Variants in TTN observed in about 807,000 individuals in gnomAD.
The protein encoded by TTN is connectin.
Under a neutral mutation model 3,223.0 loss-of-function variants are expected in TTN, and 1,525 were observed. That is an observed-to-expected ratio of 0.47 (90% confidence interval 0.45 to 0.49). The LOEUF is 0.49. TTN is among the 20% of genes least tolerant of loss of function. The probability of loss-of-function intolerance (pLI) is 0.00; values close to 1 mark genes in which losing one functional copy is unlikely to be tolerated. For missense variants in TTN, 40,786 were observed against 43,424.0 expected, an observed-to-expected ratio of 0.94 and a Z score of 5.40; for synonymous variants, 14,094 against 15,161.0, an observed-to-expected ratio of 0.93 and a Z score of 5.17.
In TTN at chr2:178,647,541, C is replaced by T; in HGVS notation, c.40058-77G>A. On this transcript the variant is annotated intron_variant, in intron 213 of 362. Transcript: ENST00000589042. ...TTGTCTAAAGAGCAGGCAAAGAATG[C>T]AGGGGCAAGAGCTTCATCTTAGATT... is the stretch of plus-strand genomic sequence containing the variant. The T allele has an allele frequency of 5.1e-6, 7 of 1,376,264 alleles. No individual in the cohort carries two copies. In the South Asian group the frequency reaches 7.6e-5, roughly 15 times the overall value. The allele number at this position is 1,376,264 out of a possible 1,614,324, so 85.3% of individuals were successfully genotyped here. A position where few individuals can be genotyped will look rare whatever the true frequency, so the allele number is the denominator to read the frequency against.
At position 178,575,649 on chromosome 2, in the gene TTN, T is replaced by C; in HGVS notation, c.70483A>G (p.Lys23495Glu). The C allele has an allele frequency of 1.2e-6, 2 of 1,613,638 alleles. No homozygotes were observed. Among genetic ancestry groups the C allele is most frequent in the South Asian group, 2.2e-5 (2 of 91,066 alleles). The change falls in exon 326 of 363, where the codon AAA becomes GAA. Residue 23495 changes from lysine to glutamate, a missense_variant. Physicochemically the swap from Lys to Glu is moderately conservative, Grantham distance 56. Transcript: ENST00000589042. The surrounding 1 kb of genome is among the most constrained non-coding windows in gnomAD (Gnocchi z 4.0). ...CACCCTTCAGACAAGCCGGTAACTT[T>C]ATATGTGCATTTATGGCACTTAGTG... ...ATTKCHKCTY[K>E]VTGLSEGCEY...
In TTN at chr2:178,585,227, T is replaced by TC; in HGVS notation, c.64516dup (p.Glu21506GlyfsTer12). ...TGCCAGGTGGCTGGATGTGACAACT[T>TC]CATCTTCTCCTTTTTTCCATTTACA... is the stretch of plus-strand genomic sequence containing the variant. On this transcript the variant is annotated frameshift_variant, in exon 309 of 363. Coordinates refer to ENST00000589042, the MANE Select transcript of TTN (RefSeq NM_001267550.2). LOFTEE classifies it high-confidence loss of function. The TC allele has an allele frequency of 6.2e-7, 1 of 1,613,326 alleles. No individual in the cohort carries two copies. The highest frequency in any genetic ancestry group is 8.5e-7 in the Non-Finnish European group (1 of 1,179,440).
At position 178,587,788 on chromosome 2, in the gene TTN, A is replaced by G. The variant is rs1319446307; in HGVS notation, c.63521T>C (p.Ile21174Thr). Residue 21174 changes from isoleucine to threonine, a missense_variant, in exon 306 of 363, where the codon ATT becomes ACT. Coordinates refer to ENST00000589042, the MANE Select transcript of TTN (RefSeq NM_001267550.2). Reference sequence around the variant, plus strand: ...TTTCCTCATGCTGGCATCCAAATCAATCTCCGGAGGTTCTGCAAATGACAT... The same window carrying G: ...TTTCCTCATGCTGGCATCCAAATCAGTCTCCGGAGGTTCTGCAAATGACAT... ...KPKEILEPPE[I>T]DLDASMRKLV... The G allele has an allele frequency of 6.9e-6, 11 of 1,600,134 alleles. No homozygotes were observed. Among genetic ancestry groups the G allele is most frequent in the Non-Finnish European group, 9.4e-6 (11 of 1,172,174 alleles).
Position 178,679,937 on chromosome 2 carries a change from C to T in TTN, c.33537G>A (p.Glu11179=). Reference sequence around the variant, plus strand: ...GCACCACTTCTTCCTCAGTTATGAACTCCTCTTCTTCATGAATGTACTCTT... The same window carrying T: ...GCACCACTTCTTCCTCAGTTATGAATTCCTCTTCTTCATGAATGTACTCTT... ...EEEEYIHEEE[E]FITEEEVVPV... Residue 11179 remains glutamate, a synonymous_variant, in exon 140 of 363, where the codon GAG becomes GAA. Coordinates refer to ENST00000589042, the MANE Select transcript of TTN (RefSeq NM_001267550.2). 6.2e-7 allele frequency: 1 copy of T among 1,613,120 alleles called. No individual in the cohort carries two copies. Among genetic ancestry groups the T allele is most frequent in the Non-Finnish European group, 8.5e-7 (1 of 1,179,364 alleles).
intron 127 of TTN, 122 bp from the exon 128 acceptor site, chr2:178,685,720 G>C: frequency 1.2e-6 from 1 of 852,198 alleles, no homozygotes; most frequent in South Asian, 1.9e-5. Context: ...CCAAACCCCT[G>C]CTTGTTCCTA....
intron 243 of TTN, 83 bp downstream of exon 243, chr2:178,622,587 C>CTT (rs200732906): frequency 9.1e-5 from 98 of 1,074,356 alleles, no homozygotes; most frequent in East Asian, 2.3e-4. Context: ...TTGTGACTAA[C>CTT]TTTTTTTTTT....
chr2:178,649,403 G>A (rs1481580434), intron 212 of TTN, 72 bp from the exon 213 acceptor site: 4 of 1,328,136 alleles, frequency 3.0e-6, no homozygotes, highest in Middle Eastern at 2.3e-4. Context: ...TAAAAAACCT[G>A]TATTTATTGG....
rs794727988 is a variant in TTN at position 178,711,160 on chromosome 2, T to C, written c.28076A>G (p.Asn9359Ser). Residue 9359 changes from asparagine to serine, a missense_variant, in exon 97 of 363, where the codon AAT becomes AGT. By Grantham distance (46) the Asn-to-Ser change is conservative. Transcript: ENST00000589042. Reference sequence around the variant, plus strand: ...AAGGCTCCGGTCAGTTTTAAAAATATTGAGTGTGGCTGTATTGTCTAAAAA... The same window carrying C: ...AAGGCTCCGGTCAGTTTTAAAAATACTGAGTGTGGCTGTATTGTCTAAAAA... ...TSFLDNTATL[N>S]IFKTDRSLAG... The C allele has an allele frequency of 1.2e-6, 2 of 1,613,750 alleles. No individual in the cohort carries two copies. Among genetic ancestry groups the C allele is most frequent in the African/African-American group, 1.3e-5 (1 of 74,908 alleles).
Position 178,715,706 on chromosome 2 carries a change from C to T in TTN, c.25708G>A (p.Glu8570Lys), listed in dbSNP as rs552462622. The change falls in exon 89 of 363, where the codon GAA (glutamate) becomes AAA (lysine). Residue 8570 changes from glutamate to lysine, a missense_variant. Transcript: ENST00000589042. ...IVKQDEFTRY[E>K]CKIGGSPEIK... is the part of the protein sequence containing the mutation. ...TCTGGAGACCCACCGATTTTGCATT[C>T]ATACCTTGTGAATTCATCCTGTTTC... 233 of 1,607,060 alleles carry T rather than the reference C, an allele frequency of 1.4e-4. No homozygotes were observed. Among genetic ancestry groups the T allele is most frequent in the Non-Finnish European group, 1.9e-4 (224 of 1,176,162 alleles).
At chr2:178,647,752 C>T (rs2062246448) in intron 213 of TTN, among the ~76,000 whole-genome samples, 1 of 152,052 alleles carries the variant, frequency 6.6e-6, no homozygotes, top group Non-Finnish European at 1.5e-5. Context: ...ACACTCAATT[C>T]TTATTTACAT....
chr2:178,682,647 T>G, intron 135 of TTN, 50 bp downstream of exon 135: 4 of 1,460,838 alleles, frequency 2.7e-6, no homozygotes, highest in Non-Finnish European at 3.7e-6. Flanking sequence ...TTATCTTGTT[T>G]GAGTGTGCAC....
intron 47 of TTN, chr2:178,746,119 G>T (rs778839761): frequency 1.9e-6 from 3 of 1,613,326 alleles, no homozygotes; most frequent in Middle Eastern, 1.7e-4. Context: ...CGCTAATCAC[G>T]TATTTAATAT....
intron 96 of TTN, 67 bp downstream of exon 96, chr2:178,711,877 C>T: frequency 6.6e-7 from 1 of 1,509,126 alleles, no homozygotes; most frequent in East Asian, 2.3e-5. Context: ...AAATAGGCCT[C>T]CCCAGACATT....
rs1576118852 is a variant in TTN at position 178,592,174 on chromosome 2, G to A, written c.59730C>T (p.Thr19910=). Residue 19910 remains threonine, a synonymous_variant, in exon 302 of 363, where the codon ACC becomes ACT. Coordinates refer to ENST00000589042, the MANE Select transcript of TTN (RefSeq NM_001267550.2). ...CATCTCTCCTCTCAACCACATAATT[G>A]GTAATAACAGAACCACCATCATCCA... ...EPLDDGGSVI[T]NYVVERRDVA... 6.2e-7 allele frequency: 1 copy of A among 1,612,368 alleles called. No homozygotes were observed.
Position 178,613,736 on chromosome 2 carries a change from G to T in TTN, c.49532+15C>A. 1 of 1,608,206 alleles carries T rather than the reference G, an allele frequency of 6.2e-7. No individual in the cohort carries two copies. Among genetic ancestry groups the T allele is most frequent in the Non-Finnish European group, 8.5e-7 (1 of 1,177,252 alleles). On this transcript the variant is annotated intron_variant, in intron 263 of 362. Coordinates refer to ENST00000589042, the MANE Select transcript of TTN (RefSeq NM_001267550.2). The stretch of plus-strand genomic sequence containing the variant: ...TACTGCTGTCTTAACATCTTGATGG[G>T]GATTCTGAGCATACCTGTATGTTGT...
rs749086389 is a variant in TTN, at chr2:178,528,294, G to A, written c.107357C>T (p.Thr35786Ile). 21 of 1,613,882 alleles carry A rather than the reference G, an allele frequency of 1.3e-5. No homozygotes were observed. The African/African-American group carries it at 2.0e-4, about 15-fold the overall frequency. ...AKNFRGQCSA[T>I]ASLMVLPLVE... ...CTTACGAAGGACCATTAAGGAAGCT[G>A]TAGCTGAACACTGGCCACGGAAATT... Residue 35786 changes from threonine to isoleucine, a missense_variant, in exon 361 of 363, where the codon ACA becomes ATA. Thr to Ile is a moderately conservative substitution (Grantham distance 89, BLOSUM62 -1). Transcript: ENST00000589042.
Position 178,539,436 on chromosome 2 carries a change from C to G in TTN, c.98629G>C (p.Gly32877Arg). The change falls in exon 352 of 363, where the codon GGC (glycine) becomes CGC (arginine). Residue 32877 changes from glycine to arginine, a missense_variant. Gly to Arg is a moderately radical substitution (Grantham distance 125). Transcript: ENST00000589042. ...HFRVSAENQF[G>R]ISKPLKSEEP... ...TCAGATTTCAAGGGTTTGCTTATGCCAAACTGGTTTTCTGCTGAAACACGG... is the reference window on the plus strand; with the variant it reads ...TCAGATTTCAAGGGTTTGCTTATGCGAAACTGGTTTTCTGCTGAAACACGG... The G allele has an allele frequency of 6.2e-7, 1 of 1,613,784 alleles. No homozygotes were observed. Among genetic ancestry groups the G allele is most frequent in the Non-Finnish European group, 8.5e-7 (1 of 1,179,786 alleles).
rs1417215136 is a variant in TTN at position 178,794,505 on chromosome 2, G to A, written c.1292C>T (p.Ala431Val). 7.4e-6 allele frequency: 12 copies of A among 1,614,084 alleles called. No individual in the cohort carries two copies. Among genetic ancestry groups the A allele is most frequent in the African/African-American group, 1.3e-5 (1 of 74,952 alleles). Residue 431 changes from alanine to valine, a missense_variant, in exon 8 of 363, where the codon GCT becomes GTT. Transcript: ENST00000589042. ...DKSAAVATVV[A>V]AVDMARVREP... Reference sequence around the variant, plus strand: ...TCTCACTCTGGCCATATCAACGGCAGCAACAACAGTCGCAACAGCTGCACT... The same window carrying A: ...TCTCACTCTGGCCATATCAACGGCAACAACAACAGTCGCAACAGCTGCACT...
At position 178,548,916 on chromosome 2, in the gene TTN, T is replaced by C. The variant is rs370265204; in HGVS notation, c.92710A>G (p.Lys30904Glu). Residue 30904 changes from lysine (K) to glutamate (E), a missense_variant, in exon 339 of 363, where the codon AAA (lysine) becomes GAA (glutamate). Coordinates refer to ENST00000589042, the MANE Select transcript of TTN (RefSeq NM_001267550.2). The surrounding 1 kb of genome is among the most constrained non-coding windows in gnomAD (Gnocchi z 4.3). ...CCAGTCACTTCACAGCTGTCGCCTTTTCCAGCACCATTGATAGCACTAACT... is the reference window on the plus strand; with the variant it reads ...CCAGTCACTTCACAGCTGTCGCCTTCTCCAGCACCATTGATAGCACTAACT... ...FRVSAINGAG[K>E]GDSCEVTGTI... The C allele has an allele frequency of 2.5e-5, 41 of 1,613,918 alleles. No homozygotes were observed. The African/African-American group carries it at 4.8e-4, about 19-fold the overall frequency.
Sources: gnomAD v4.1 joint callset for allele counts (sites outside exome capture counted in the v4.1 genomes callset) on GRCh38, gnomAD v4.1.1 for gene constraint, Gnocchi (gnomAD v3.1) non-coding constraint, MANE v1.5 for transcripts, NCBI Gene and HGNC (gene_info 2026-07-23, HGNC 2026-07-21) for gene names.